Variants in H1-10 observed in about 807,000 individuals in gnomAD.
H1-10 encodes the protein H1.10 linker histone, also known as histone H1.10.
For synonymous variants in H1-10, 191 were observed against 140.9 expected, an observed-to-expected ratio of 1.36 and a Z score of -2.52; for missense variants, 307 against 297.9, an observed-to-expected ratio of 1.03 and a Z score of -0.22.
chr3:129,315,447 G>A lies in H1-10; in HGVS notation c.456C>T (p.Ala152=). 6.8e-7 allele frequency: 1 copy of A among 1,463,956 alleles called. No homozygotes were observed. The highest frequency in any genetic ancestry group is 9.0e-7 in the Non-Finnish European group (1 of 1,114,556). The allele number at this position is 1,463,956 out of a possible 1,614,324, so 90.7% of individuals were successfully genotyped here. A position where few individuals can be genotyped will look rare whatever the true frequency, so the allele number is the denominator to read the frequency against. The part of the protein sequence containing the change: ...HKAKKAAPGA[A]GSRRADKKPA... ...GCTTCTTGTCCGCGCGCCGGGAGCCGGCCGCGCCCGGGGCTGCCTTCTTCG... is the reference window on the plus strand; with the variant it reads ...GCTTCTTGTCCGCGCGCCGGGAGCCAGCCGCGCCCGGGGCTGCCTTCTTCG... Residue 152 remains alanine, a synonymous_variant, in exon 1 of 1, where the codon GCC becomes GCT. Transcript: ENST00000333762.
chr3:129,315,340 T>A lies in H1-10; in HGVS notation c.563A>T (p.Lys188Met). 6.5e-7 allele frequency: 1 copy of A among 1,529,072 alleles called. No individual in the cohort carries two copies. The highest frequency in any genetic ancestry group is 1.9e-4 in the Middle Eastern group (1 of 5,380). The allele number at this position is 1,529,072 out of a possible 1,614,324, so 94.7% of individuals were successfully genotyped here. A position where few individuals can be genotyped will look rare whatever the true frequency, so the allele number is the denominator to read the frequency against. The change falls in exon 1 of 1, where the codon AAG becomes ATG. Residue 188 changes from lysine (K) to methionine (M), a missense_variant. Lys to Met is a moderately conservative substitution (Grantham distance 95). Transcript: ENST00000333762. ...AKKDKGGKAKKTAAAGGKKVK... is the reference protein window; with the variant it reads ...AKKDKGGKAKMTAAAGGKKVK... ...CTTCTTGCCCCCGGCGGCCGCCGTC[T>A]TCTTGGCCTTGCCGCCTTTGTCCTT...
chr3:129,315,976 C>A lies in H1-10; in HGVS notation c.-74G>T. ...CGCCGGGAAGAGGAAGGCGAGGGGC[C>A]GAGGGGGTGCAGGGGGGCTGGGGGC... On this transcript the variant is annotated 5_prime_UTR_variant, in exon 1 of 1. Transcript: ENST00000333762. 5.2e-6 allele frequency: 1 copy of A among 191,020 alleles called. No individual in the cohort carries two copies. Among genetic ancestry groups the A allele is most frequent in the Non-Finnish European group, 9.6e-6 (1 of 103,716 alleles). The allele number at this position is 191,020 out of a possible 1,614,324, so 11.8% of individuals were successfully genotyped here.
In H1-10 at chr3:129,315,245, T is replaced by C; in HGVS notation, c.*16A>G. 7.4e-7 allele frequency: 1 copy of C among 1,356,548 alleles called. No individual in the cohort carries two copies. The highest frequency in any genetic ancestry group is 9.5e-7 in the Non-Finnish European group (1 of 1,057,148). The allele number at this position is 1,356,548 out of a possible 1,614,324, so 84.0% of individuals were successfully genotyped here. On this transcript the variant is annotated 3_prime_UTR_variant, in exon 1 of 1. Coordinates refer to ENST00000333762, the MANE Select transcript of H1-10 (RefSeq NM_006026.4). ...ACCGAAAAGCCCACGCCGGCCGCTC[T>C]GACCGGCCGACACGCTCACTTGCGG...
rs1302940383 is a variant in H1-10, at chr3:129,315,519, GCGCCGCTCCC to G, written c.374_383del (p.Gly125AlafsTer70). On this transcript the variant is annotated frameshift_variant, in exon 1 of 1. Transcript: ENST00000333762. LOFTEE classifies it low-confidence loss of function (END_TRUNC). ...GGGCGGTGGCGGCCGCCGGGGCTCCGCGCCGCTCCCCGCCGCCCTCCAGCTTCTTGCGGTT... is the reference window on the plus strand; with the variant it reads ...GGGCGGTGGCGGCCGCCGGGGCTCCGCGCCGCCCTCCAGCTTCTTGCGGTT... 1 of 1,537,108 alleles carries G rather than the reference GCGCCGCTCCC, an allele frequency of 6.5e-7. No individual in the cohort carries two copies.
Position 129,315,385 on chromosome 3 carries a change from T to C in H1-10, c.518A>G (p.Lys173Arg). 2 of 1,542,838 alleles carry C rather than the reference T, an allele frequency of 1.3e-6. No homozygotes were observed. The highest frequency in any genetic ancestry group is 1.7e-6 in the Non-Finnish European group (2 of 1,150,946). ...GTCCTTCTTGGCGCCAGCGCCCTTCTTGTGCGAGCGCTGCTCCGGCTTCTG... is the reference window on the plus strand; with the variant it reads ...GTCCTTCTTGGCGCCAGCGCCCTTCCTGTGCGAGCGCTGCTCCGGCTTCTG... ...RGQKPEQRSH[K>R]KGAGAKKDKG... The change falls in exon 1 of 1, where the codon AAG becomes AGG. Residue 173 changes from lysine to arginine, a missense_variant. Physicochemically the swap from Lys to Arg is conservative, Grantham distance 26. Coordinates refer to ENST00000333762, the MANE Select transcript of H1-10 (RefSeq NM_006026.4).
At position 129,315,750 on chromosome 3, in the gene H1-10, C is replaced by T; in HGVS notation, c.153G>A (p.Leu51=). 1 of 1,599,060 alleles carries T rather than the reference C, an allele frequency of 6.3e-7. No homozygotes were observed. ...CCAGCCTACGGATGGTCTCCACCACCAGCTGGCTGTACTTGCCCGGCTGGT... is the reference window on the plus strand; with the variant it reads ...CCAGCCTACGGATGGTCTCCACCACTAGCTGGCTGTACTTGCCCGGCTGGT... ...KKNQPGKYSQ[L]VVETIRRLGE... Residue 51 remains leucine (L), a synonymous_variant, in exon 1 of 1, where the codon CTG becomes CTA. Coordinates refer to ENST00000333762, the MANE Select transcript of H1-10 (RefSeq NM_006026.4).
chr3:129,315,628 G>T lies in H1-10; in HGVS notation c.275C>A (p.Ser92Ter). 6.3e-7 allele frequency: 1 copy of T among 1,582,308 alleles called. No individual in the cohort carries two copies. Among genetic ancestry groups the T allele is most frequent in the Non-Finnish European group, 8.6e-7 (1 of 1,165,484 alleles). ...GTCGTTCTGCACCAGCGCCTTGATC[G>T]AGTACTTGAGGTAGGTGCGCCCATT... ...QQNGRTYLKYSIKALVQNDTL... is the reference protein window; with the variant it reads ...QQNGRTYLKY Residue 92 changes from serine (S) to a stop codon, truncating the protein, a stop_gained, in exon 1 of 1, where the codon TCG (serine) becomes TAG (stop). Coordinates refer to ENST00000333762, the MANE Select transcript of H1-10 (RefSeq NM_006026.4). LOFTEE classifies it low-confidence loss of function (END_TRUNC).
Position 129,315,339 on chromosome 3 carries a change from C to T in H1-10, c.564G>A (p.Lys188=), listed in dbSNP as rs773481081. The part of the protein sequence containing the change: ...AKKDKGGKAK[K]TAAAGGKKVK... ...CCTTCTTGCCCCCGGCGGCCGCCGT[C>T]TTCTTGGCCTTGCCGCCTTTGTCCT... is the stretch of plus-strand genomic sequence containing the variant. Residue 188 remains lysine, a synonymous_variant, in exon 1 of 1, where the codon AAG becomes AAA. Coordinates refer to ENST00000333762, the MANE Select transcript of H1-10 (RefSeq NM_006026.4). 7.2e-6 allele frequency: 11 copies of T among 1,527,956 alleles called. No individual in the cohort carries two copies. The South Asian group carries it at 9.7e-5, about 13-fold the overall frequency. The allele number at this position is 1,527,956 out of a possible 1,614,324, so 94.6% of individuals were successfully genotyped here. A position where few individuals can be genotyped will look rare whatever the true frequency, so the allele number is the denominator to read the frequency against.
Position 129,315,160 on chromosome 3 carries a change from C to G in H1-10, c.*101G>C. On this transcript the variant is annotated 3_prime_UTR_variant, in exon 1 of 1. Coordinates refer to ENST00000333762, the MANE Select transcript of H1-10 (RefSeq NM_006026.4). ...TCCCTGAGGCTCAGACCAGGCCTCG[C>G]GGCCCCGGCCGGCGTGAGCCGTACA... 1 of 1,085,332 alleles carries G rather than the reference C, an allele frequency of 9.2e-7. No homozygotes were observed. The highest frequency in any genetic ancestry group is 1.2e-6 in the Non-Finnish European group (1 of 849,268). The allele number at this position is 1,085,332 out of a possible 1,614,324, so 67.2% of individuals were successfully genotyped here.
Position 129,315,506 on chromosome 3 carries a change from C to T in H1-10, c.397G>A (p.Ala133Thr), listed in dbSNP as rs2071294676. 6.5e-7 allele frequency: 1 copy of T among 1,531,212 alleles called. No homozygotes were observed. The highest frequency in any genetic ancestry group is 8.7e-7 in the Non-Finnish European group (1 of 1,142,882). 94.9% of individuals were successfully genotyped at this position (1,531,212 alleles called of 1,614,324 possible). The change falls in exon 1 of 1, where the codon GCC becomes ACC. Residue 133 changes from alanine to threonine, a missense_variant. Coordinates refer to ENST00000333762, the MANE Select transcript of H1-10 (RefSeq NM_006026.4). ...GGGERRGAPAAATAPAPTAHK... is the reference protein window; with the variant it reads ...GGGERRGAPATATAPAPTAHK... ...GCGGTGGGGGCCGGGGCGGTGGCGG[C>T]CGCCGGGGCTCCGCGCCGCTCCCCG...
In H1-10 at chr3:129,315,823, G is replaced by A. The variant is rs148496535; in HGVS notation, c.80C>T (p.Ser27Leu). 575 of 1,603,338 alleles carry A rather than the reference G, an allele frequency of 3.6e-4. 2 individuals carry two copies. The South Asian group carries it at 4.1e-3, about 11-fold the overall frequency. Residue 27 changes from serine to leucine, a missense_variant, in exon 1 of 1, where the codon TCG (serine) becomes TTG (leucine). Physicochemically the swap from Ser to Leu is moderately radical, Grantham distance 145. Transcript: ENST00000333762. ...CTTCTTAGATGGGGACAACGCCGCC[G>A]AGCCGCCAGCCTTGGTCACCTTCTT... ...MAKKVTKAGGSAALSPSKKRK... is the reference protein window; with the variant it reads ...MAKKVTKAGGLAALSPSKKRK...
rs746781043 is a variant in H1-10 at position 129,315,875 on chromosome 3, G to T, written c.28C>A (p.Pro10Thr). The T allele has an allele frequency of 2.5e-6, 4 of 1,595,608 alleles. No homozygotes were observed. In the Admixed American group the frequency reaches 6.9e-5, roughly 28 times the overall value. The change falls in exon 1 of 1, where the codon CCA becomes ACA. Residue 10 changes from proline (P) to threonine (T), a missense_variant. Pro to Thr is a conservative substitution (Grantham distance 38). Transcript: ENST00000333762. MSVELEEAL[P>T]VTTAEGMAKK... The stretch of plus-strand genomic sequence containing the variant: ...GCCATTCCCTCGGCGGTCGTCACTG[G>T]CAGGGCCTCCTCGAGCTCCACGGAC...
At position 129,315,258 on chromosome 3, in the gene H1-10, C is replaced by G; in HGVS notation, c.*3G>C. 2 of 1,382,540 alleles carry G rather than the reference C, an allele frequency of 1.4e-6. No individual in the cohort carries two copies. Among genetic ancestry groups the G allele is most frequent in the Non-Finnish European group, 1.9e-6 (2 of 1,069,660 alleles). 85.6% of individuals were successfully genotyped at this position (1,382,540 alleles called of 1,614,324 possible). On this transcript the variant is annotated 3_prime_UTR_variant, in exon 1 of 1. Coordinates refer to ENST00000333762, the MANE Select transcript of H1-10 (RefSeq NM_006026.4). ...CGCCGGCCGCTCTGACCGGCCGACA[C>G]GCTCACTTGCGGCCCTTGGGCACTT... is the stretch of plus-strand genomic sequence containing the variant.
In H1-10 at chr3:129,315,820, G is replaced by A; in HGVS notation, c.83C>T (p.Ala28Val). 6.2e-7 allele frequency: 1 copy of A among 1,603,004 alleles called. No individual in the cohort carries two copies. The highest frequency in any genetic ancestry group is 1.1e-5 in the South Asian group (1 of 89,026). ...CCTCTTCTTAGATGGGGACAACGCC[G>A]CCGAGCCGCCAGCCTTGGTCACCTT... The part of the protein sequence containing the change: ...AKKVTKAGGS[A>V]ALSPSKKRKN... Residue 28 changes from alanine (A) to valine (V), a missense_variant, in exon 1 of 1, where the codon GCG becomes GTG. Ala to Val is a moderately conservative substitution (Grantham distance 64, BLOSUM62 0). Transcript: ENST00000333762.
chr3:129,315,049 C>T lies in H1-10; in HGVS notation c.*212G>A. 2.6e-6 allele frequency: 1 copy of T among 389,772 alleles called. No individual in the cohort carries two copies. The allele number at this position is 389,772 out of a possible 1,614,324, so 24.1% of individuals were successfully genotyped here. ...AGGCCGAGAGCCAATAGAGGCGTCG[C>T]CGGGGCTGTTTCAAAAACCTAAAGC... On this transcript the variant is annotated 3_prime_UTR_variant, in exon 1 of 1. Coordinates refer to ENST00000333762, the MANE Select transcript of H1-10 (RefSeq NM_006026.4).
chr3:129,314,981 A>G lies in H1-10; in HGVS notation c.*280T>C. 4.0e-6 allele frequency: 1 copy of G among 247,234 alleles called. No individual in the cohort carries two copies. The highest frequency in any genetic ancestry group is 7.6e-6 in the Non-Finnish European group (1 of 130,928). The allele number at this position is 247,234 out of a possible 1,614,324, so 15.3% of individuals were successfully genotyped here. On this transcript the variant is annotated 3_prime_UTR_variant, in exon 1 of 1. Coordinates refer to ENST00000333762, the MANE Select transcript of H1-10 (RefSeq NM_006026.4). Reference sequence around the variant, plus strand: ...CCGGTGGGCAGGCGCGGCCTCGGCCATCGGCGCCTAGGGGCCAGTAACCAT... The same window carrying G: ...CCGGTGGGCAGGCGCGGCCTCGGCCGTCGGCGCCTAGGGGCCAGTAACCAT...
chr3:129,315,862 G>A lies in H1-10; in HGVS notation c.41C>T (p.Ala14Val). The A allele has an allele frequency of 1.9e-6, 3 of 1,598,804 alleles. No individual in the cohort carries two copies. The highest frequency in any genetic ancestry group is 2.6e-6 in the Non-Finnish European group (3 of 1,173,196). The change falls in exon 1 of 1, where the codon GCC becomes GTC. Residue 14 changes from alanine (A) to valine (V), a missense_variant. Coordinates refer to ENST00000333762, the MANE Select transcript of H1-10 (RefSeq NM_006026.4). ...GGTCACCTTCTTGGCCATTCCCTCGGCGGTCGTCACTGGCAGGGCCTCCTC... is the reference window on the plus strand; with the variant it reads ...GGTCACCTTCTTGGCCATTCCCTCGACGGTCGTCACTGGCAGGGCCTCCTC... ...ELEEALPVTT[A>V]EGMAKKVTKA...
Position 129,315,642 on chromosome 3 carries a change from G to A in H1-10, c.261C>T (p.Thr87=), listed in dbSNP as rs1268504992. 6.3e-7 allele frequency: 1 copy of A among 1,587,544 alleles called. No individual in the cohort carries two copies. Reference sequence around the variant, plus strand: ...GCGCCTTGATCGAGTACTTGAGGTAGGTGCGCCCATTCTGCTGGTCGAACC... The same window carrying A: ...GCGCCTTGATCGAGTACTTGAGGTAAGTGCGCCCATTCTGCTGGTCGAACC... ...VPWFDQQNGR[T]YLKYSIKALV... The change falls in exon 1 of 1, where the codon ACC becomes ACT. Residue 87 remains threonine (T), a synonymous_variant. Transcript: ENST00000333762.
chr3:129,315,170 C>T lies in H1-10; in HGVS notation c.*91G>A. 1 of 1,156,622 alleles carries T rather than the reference C, an allele frequency of 8.6e-7. No individual in the cohort carries two copies. Among genetic ancestry groups the T allele is most frequent in the Non-Finnish European group, 1.1e-6 (1 of 914,038 alleles). 71.6% of individuals were successfully genotyped at this position (1,156,622 alleles called of 1,614,324 possible). ...TCAGACCAGGCCTCGCGGCCCCGGC[C>T]GGCGTGAGCCGTACAAAATCTACGT... On this transcript the variant is annotated 3_prime_UTR_variant, in exon 1 of 1. Coordinates refer to ENST00000333762, the MANE Select transcript of H1-10 (RefSeq NM_006026.4).
Sources: allele counts gnomAD v4.1 joint callset, GRCh38; gene constraint gnomAD v4.1.1; transcripts MANE v1.5; gene names NCBI Gene and HGNC (gene_info 2026-07-23, HGNC 2026-07-21).